The following FAM210A variants were observed in gnomAD, a reference collection of about 807,000 sequenced individuals.
FAM210A encodes family with sequence similarity 210 member A.
Under a neutral mutation model 25.3 loss-of-function variants are expected in FAM210A, and 13 were observed. The observed-to-expected ratio is 0.51, with a 90% CI of 0.33 to 0.82. The LOEUF is 0.82. FAM210A is among the 40% of genes least tolerant of loss of function. FAM210A has a pLI of 0.02. For synonymous variants in FAM210A, 125 were observed against 118.7 expected, an observed-to-expected ratio of 1.05 and a Z score of -0.35; for missense variants, 319 against 323.2, an observed-to-expected ratio of 0.99 and a Z score of 0.10.
intron 3 of FAM210A, among the ~76,000 whole-genome samples, chr18:13,669,678 T>C (rs1055310168): frequency 2.6e-5 from 4 of 152,166 alleles, no homozygotes; most frequent in Non-Finnish European, 5.9e-5. Flanking sequence ...CCCAACCCAC[T>C]ACCACTCACT....
intron 1 of FAM210A, among the ~76,000 whole-genome samples, chr18:13,713,259 T>G (rs1015962979): frequency 1.3e-5 from 2 of 152,246 alleles, no homozygotes; most frequent in Non-Finnish European, 2.9e-5. Flanking sequence ...GTTTGTATGT[T>G]GATACACAAA....
chr18:13,690,859 AAC>A (rs1325155158), intron 1 of FAM210A, among the ~76,000 whole-genome samples: 1 of 152,220 alleles, frequency 6.6e-6, no homozygotes, highest in African/African-American at 2.4e-5. Context: ...CCTCCAAGGG[AAC>A]ACAGCTCCTC....
At chr18:13,706,174 C>T (rs1168136910) in intron 1 of FAM210A, among the ~76,000 whole-genome samples, 2 of 152,152 alleles carry the variant, frequency 1.3e-5, no homozygotes, top group African/African-American at 2.4e-5. Flanking sequence ...TGGAACTGTA[C>T]ACCCACTGGA....
chr18:13,722,863 T>G (rs1342661413), intron 1 of FAM210A, among the ~76,000 whole-genome samples: 5 of 140,174 alleles, frequency 3.6e-5, no homozygotes, highest in Non-Finnish European at 6.3e-5. Flanking sequence ...TTTTTTTTTT[T>G]GAGACAGTCT....
At chr18:13,714,608 G>A (rs1158379591) in intron 1 of FAM210A, among the ~76,000 whole-genome samples, 1 of 152,210 alleles carries the variant, frequency 6.6e-6, no homozygotes, top group Non-Finnish European at 1.5e-5. Flanking sequence ...AGAGAAATCT[G>A]CTCAAAACAA....
chr18:13,673,139 T>C (rs1035133637), intron 2 of FAM210A, among the ~76,000 whole-genome samples: 2 of 152,008 alleles, frequency 1.3e-5, no homozygotes, highest in Non-Finnish European at 2.9e-5. Flanking sequence ...AGTTTCCTTA[T>C]TAACCTTCCT....
rs1233462870 is a variant in FAM210A at position 13,666,592 on chromosome 18, A to G, written c.707T>C (p.Met236Thr). ...TGTGATAAGCTCCTTTGTCTCTTCC[A>G]TCCTGTCCTGCAGATACTCCTTGAC... ...PPVKEYLQDRMEETKELITEK... is the reference protein window; with the variant it reads ...PPVKEYLQDRTEETKELITEK... Residue 236 changes from methionine (M) to threonine (T), a missense_variant, in exon 4 of 4, where the codon ATG (methionine) becomes ACG (threonine). Physicochemically the swap from Met to Thr is moderately conservative, Grantham distance 81. Coordinates refer to ENST00000651643, the MANE Select transcript of FAM210A (RefSeq NM_152352.4). 3.1e-6 allele frequency: 5 copies of G among 1,614,110 alleles called. No homozygotes were observed. The highest frequency in any genetic ancestry group is 4.2e-6 in the Non-Finnish European group (5 of 1,180,038).
intron 1 of FAM210A, among the ~76,000 whole-genome samples, chr18:13,702,230 T>A (rs528881820): frequency 1.3e-4 from 20 of 152,328 alleles, no homozygotes; most frequent in African/African-American, 4.6e-4. Context: ...TGCAAACTGG[T>A]TGAATGAATG....
chr18:13,714,261 T>C (rs545445575), intron 1 of FAM210A, among the ~76,000 whole-genome samples: 1 of 152,294 alleles, frequency 6.6e-6, no homozygotes, highest in South Asian at 2.1e-4. Flanking sequence ...AAACATACTA[T>C]GTATTAGGGG....
chr18:13,725,663 G>A (rs2043936315), intron 1 of FAM210A, among the ~76,000 whole-genome samples: 1 of 152,184 alleles, frequency 6.6e-6, no homozygotes, highest in Admixed American at 6.5e-5. Context: ...TCTATCCACA[G>A]GTAGTTTTGA....
chr18:13,685,615 T>C (rs2043590424), intron 1 of FAM210A, among the ~76,000 whole-genome samples: 1 of 152,172 alleles, frequency 6.6e-6, no homozygotes, highest in Non-Finnish European at 1.5e-5. Flanking sequence ...TTATGACCCA[T>C]ATGCCCCCAC....
intron 1 of FAM210A, among the ~76,000 whole-genome samples, chr18:13,695,623 C>T (rs1377548560): frequency 1.3e-5 from 2 of 151,236 alleles, no homozygotes; most frequent in African/African-American, 4.9e-5. Flanking sequence ...GACAGAAAAC[C>T]AAACATCACA....
At chr18:13,700,137 A>C (rs767855220) in intron 1 of FAM210A, among the ~76,000 whole-genome samples, 2 of 152,144 alleles carry the variant, frequency 1.3e-5, no homozygotes, top group Non-Finnish European at 2.9e-5. Context: ...CCACAAGACT[A>C]CTCCTACTCC....
chr18:13,681,592 A>G lies in FAM210A; in HGVS notation c.473+13T>C. The G allele has an allele frequency of 3.2e-6, 5 of 1,569,500 alleles. No individual in the cohort carries two copies. The highest frequency in any genetic ancestry group is 4.3e-6 in the Non-Finnish European group (5 of 1,160,060). ...TAAGACAGGGAAAGACATTCAACTA[A>G]GCAAAAACTTACTTCAAGGCTGCAT... On this transcript the variant is annotated intron_variant, in intron 2 of 3. Coordinates refer to ENST00000651643, the MANE Select transcript of FAM210A (RefSeq NM_152352.4).
intron 1 of FAM210A, among the ~76,000 whole-genome samples, chr18:13,694,645 G>T (rs1325795652): frequency 6.6e-6 from 1 of 152,170 alleles, no homozygotes; most frequent in Non-Finnish European, 1.5e-5. Context: ...AAATGGTGCT[G>T]GGAAAACTGG....
In FAM210A at chr18:13,689,016, A is replaced by C. The variant is rs1786546; in HGVS notation, c.-28-6911T>G. On this transcript the variant is annotated intron_variant, in intron 1 of 3. Coordinates refer to ENST00000651643, the MANE Select transcript of FAM210A (RefSeq NM_152352.4). ...CGTGAGGGGTTGAGCGGGGCAGGCC[A>C]AGTAAACAGGGCACCCCTGTCGCGA... is the stretch of plus-strand genomic sequence containing the variant. 5.3e-5 allele frequency among the ~76,000 whole-genome samples: 8 copies of C among 152,198 alleles called. 1 individual carries two copies.
At chr18:13,710,502 C>T (rs2043813343) in intron 1 of FAM210A, 1 of 152,208 alleles carries the variant, frequency 6.6e-6, no homozygotes, top group Non-Finnish European at 1.5e-5. Context: ...GGCATAGTTT[C>T]TATAATCCCT....
chr18:13,688,921 C>G (rs1217301201), intron 1 of FAM210A, among the ~76,000 whole-genome samples: 1 of 152,258 alleles, frequency 6.6e-6, no homozygotes, highest in Non-Finnish European at 1.5e-5. Flanking sequence ...CCTGAGTGAG[C>G]AGAGTTTGCT....
chr18:13,689,129 G>A (rs2043621739), intron 1 of FAM210A, among the ~76,000 whole-genome samples: 1 of 152,186 alleles, frequency 6.6e-6, no homozygotes, highest in East Asian at 1.9e-4. Flanking sequence ...TTTTCCTTCA[G>A]AGGTTCACCT....
Sources: gnomAD v4.1 joint callset for allele counts (sites outside exome capture counted in the v4.1 genomes callset) on GRCh38, gnomAD v4.1.1 for gene constraint, MANE v1.5 for transcripts, NCBI Gene and HGNC (gene_info 2026-07-23, HGNC 2026-07-21) for gene names.